AP1B1: variants seen among roughly 807,000 people sequenced by gnomAD.
AP1B1 encodes AP-1 complex subunit beta-1.
AP1B1 carries 36 observed loss-of-function variants against 104.3 expected under a neutral mutation model. The ratio of observed to expected loss-of-function variants is 0.35; its 90% confidence interval spans 0.26 to 0.46. The LOEUF (loss-of-function observed/expected upper bound fraction) is 0.46. Ranked by LOEUF, AP1B1 falls within the 20% of genes least tolerant of loss-of-function variation. The probability of loss-of-function intolerance (pLI) is 1.00; values close to 1 mark genes in which losing one functional copy is unlikely to be tolerated. For missense variants in AP1B1, 901 were observed against 1,247.9 expected, an observed-to-expected ratio of 0.72 and a Z score of 4.19; for synonymous variants, 504 against 517.5, an observed-to-expected ratio of 0.97 and a Z score of 0.35.
In AP1B1 at chr22:29,328,511, C is replaced by T. The variant is rs1281822756; in HGVS notation, c.*310G>A. The T allele has an allele frequency of 1.2e-5, 4 of 328,474 alleles. No individual in the cohort carries two copies. The South Asian group carries it at 1.5e-4, about 13-fold the overall frequency. 20.3% of individuals were successfully genotyped at this position (328,474 alleles called of 1,614,324 possible). A position where few individuals can be genotyped will look rare whatever the true frequency, so the allele number is the denominator to read the frequency against. On this transcript the variant is annotated 3_prime_UTR_variant, in exon 23 of 23. Transcript: ENST00000357586. This position sits in a 1 kb window ranked among gnomAD's most constrained non-coding sequence, Gnocchi z 4.1. ...CTGTGAGCCGGAGGGGCAAGCTCCA[C>T]ACTCACCCTTCAGGCACAGCTTCTG...
chr22:29,328,963 G>A lies in AP1B1; in HGVS notation c.2776-68C>T, dbSNP rs1407254229. The A allele has an allele frequency of 6.4e-7, 1 of 1,563,948 alleles. No individual in the cohort carries two copies. Among genetic ancestry groups the A allele is most frequent in the African/African-American group, 1.3e-5 (1 of 74,366 alleles). On this transcript the variant is annotated intron_variant, in intron 22 of 22. Coordinates refer to ENST00000357586, the MANE Select transcript of AP1B1 (RefSeq NM_001127.4). The surrounding 1 kb of genome is among the most constrained non-coding windows in gnomAD (Gnocchi z 4.1). Reference sequence around the variant, plus strand: ...GGGGTTCCTCTCAGGAAGGAAAGGGGTGGGGAAGAGAGCAGGAACCAATGG... The same window carrying A: ...GGGGTTCCTCTCAGGAAGGAAAGGGATGGGGAAGAGAGCAGGAACCAATGG...
At chr22:29,349,170 GC>G in intron 11 of AP1B1, 47 bp downstream of exon 11, 5 of 1,598,810 alleles carry the variant, frequency 3.1e-6, no homozygotes, top group Non-Finnish European at 4.3e-6. Context: ...CCACAGTGGG[GC>G]TGAGCTGCCA....
At chr22:29,367,892 G>C (rs1458657408) in intron 1 of AP1B1, among the ~76,000 whole-genome samples, 1 of 152,124 alleles carries the variant, frequency 6.6e-6, no homozygotes, top group Non-Finnish European at 1.5e-5. Flanking sequence ...TTCATCTCTG[G>C]AAAGGGCTAG....
chr22:29,351,591 T>G, intron 8 of AP1B1, 114 bp downstream of exon 8: 1 of 1,398,320 alleles, frequency 7.2e-7, no homozygotes, highest in Non-Finnish European at 9.7e-7. Flanking sequence ...TAAACACTCT[T>G]CATGAGATAA....
chr22:29,363,610 T>C (rs1313005135), intron 2 of AP1B1, among the ~76,000 whole-genome samples: 1 of 150,806 alleles, frequency 6.6e-6, no homozygotes, highest in Non-Finnish European at 1.5e-5. Flanking sequence ...ATGGCGCCAC[T>C]GCACTCCAGC....
At chr22:29,340,919 C>T in intron 13 of AP1B1, 62 bp from the exon 14 acceptor site, 1 of 1,502,716 alleles carries the variant, frequency 6.7e-7, no homozygotes, top group Non-Finnish European at 9.0e-7. Flanking sequence ...AAAGAGACCC[C>T]AGCCTCCAGG....
chr22:29,354,825 C>T lies in AP1B1; in HGVS notation c.763G>A (p.Val255Met). Residue 255 changes from valine to methionine, a missense_variant, in exon 7 of 23, where the codon GTG becomes ATG. Physicochemically the swap from Val to Met is conservative, Grantham distance 21 (BLOSUM62 1). Coordinates refer to ENST00000357586, the MANE Select transcript of AP1B1 (RefSeq NM_001127.4). The part of the protein sequence containing the change: ...TPRLSHANSA[V>M]VLSAVKVLMK... The stretch of plus-strand genomic sequence containing the variant: ...AGCACCTTCACAGCAGAGAGCACCA[C>T]AGCGGAGTTGGCATGGGAGAGCCTG... 1.2e-6 allele frequency: 2 copies of T among 1,614,138 alleles called. No individual in the cohort carries two copies. Among genetic ancestry groups the T allele is most frequent in the Non-Finnish European group, 1.7e-6 (2 of 1,180,042 alleles).
At position 29,340,827 on chromosome 22, in the gene AP1B1, G is replaced by C. The variant is rs139231493; in HGVS notation, c.1827C>G (p.Ala609=). The change falls in exon 14 of 23, where the codon GCC becomes GCG. Residue 609 remains alanine, a synonymous_variant. Transcript: ENST00000357586. ...SSESAESPET[A]PTGAPPGEQP... ...GCTCCCCAGGAGGTGCTCCAGTAGG[G>C]GCTGTCTCAGGGCTCTCTGCGCTCT... The C allele has an allele frequency of 2.2e-3, 3,560 of 1,598,434 alleles. 4 individuals carry two copies. Among genetic ancestry groups the C allele is most frequent in the Non-Finnish European group, 2.7e-3 (3,191 of 1,174,186 alleles).
intron 9 of AP1B1, 71 bp downstream of exon 9, chr22:29,351,099 TG>T: frequency 6.9e-7 from 1 of 1,440,024 alleles, no homozygotes; most frequent in Non-Finnish European, 9.6e-7. Flanking sequence ...AGATTCTGCT[TG>T]AATCAGACTG....
chr22:29,356,526 T>C lies in AP1B1; in HGVS notation c.616A>G (p.Lys206Glu). 1 of 1,614,140 alleles carries C rather than the reference T, an allele frequency of 6.2e-7. No homozygotes were observed. Among genetic ancestry groups the C allele is most frequent in the Non-Finnish European group, 8.5e-7 (1 of 1,180,008 alleles). Residue 206 changes from lysine to glutamate, a missense_variant, in exon 6 of 23, where the codon AAG becomes GAG. Transcript: ENST00000357586. Reference protein sequence around the residue: ...LLDLNPQSINKLLTALNECTE... With the variant: ...LLDLNPQSINELLTALNECTE... ...CACTCATTGAGGGCTGTCAGCAGCTTGTTGATGGACTGTGGGTTCAGATCG... is the reference window on the plus strand; with the variant it reads ...CACTCATTGAGGGCTGTCAGCAGCTCGTTGATGGACTGTGGGTTCAGATCG...
chr22:29,366,673 C>T (rs2062142549), intron 2 of AP1B1, among the ~76,000 whole-genome samples: 1 of 151,836 alleles, frequency 6.6e-6, no homozygotes, highest in Non-Finnish European at 1.5e-5. Flanking sequence ...GCGGCGGGCG[C>T]ATGTAATCCC....
intron 2 of AP1B1, 120 bp downstream of exon 2, chr22:29,367,087 A>G (rs1007803931): frequency 1.2e-6 from 1 of 858,152 alleles, no homozygotes; most frequent in African/African-American, 1.7e-5. Context: ...GCTCTAGGCC[A>G]TTCCTGCCAC....
intron 2 of AP1B1, among the ~76,000 whole-genome samples, chr22:29,365,323 AG>A (rs1289769498): frequency 1.3e-5 from 2 of 152,132 alleles, no homozygotes; most frequent in Non-Finnish European, 2.9e-5. Flanking sequence ...TCTTCCCAAA[AG>A]AAATCCACTA....
intron 1 of AP1B1, among the ~76,000 whole-genome samples, chr22:29,367,812 A>C (rs1430504742): frequency 6.6e-6 from 1 of 152,208 alleles, no homozygotes; most frequent in Non-Finnish European, 1.5e-5. Flanking sequence ...GAAAATACCA[A>C]GCTTAAAAGG....
chr22:29,363,632 G>A (rs942375200), intron 2 of AP1B1, among the ~76,000 whole-genome samples: 2 of 151,132 alleles, frequency 1.3e-5, no homozygotes, highest in African/African-American at 2.4e-5. Flanking sequence ...TGGCGACAGG[G>A]CCAAGACTCC....
intron 1 of AP1B1, among the ~76,000 whole-genome samples, chr22:29,373,905 A>G (rs1397386392): frequency 1.3e-5 from 2 of 150,558 alleles, no homozygotes; most frequent in Non-Finnish European, 3.0e-5. Context: ...CGGTCTGAAA[A>G]AAAAAAAAAA....
At chr22:29,361,037 C>T (rs373722335) in intron 3 of AP1B1, among the ~76,000 whole-genome samples, 87 of 150,966 alleles carry the variant, frequency 5.8e-4, no homozygotes, top group Admixed American at 1.7e-3. Context: ...GAGGCCGACT[C>T]GCTCTTTGGG....
intron 17 of AP1B1, among the ~76,000 whole-genome samples, chr22:29,332,997 G>C (rs1408155345): frequency 2.6e-5 from 4 of 152,258 alleles, no homozygotes; most frequent in Non-Finnish European, 5.9e-5. Context: ...TGGGTGCCCA[G>C]GAAGCATTCA....
In AP1B1 at chr22:29,342,276, G is replaced by C; in HGVS notation, c.1536+9C>G. The stretch of plus-strand genomic sequence containing the variant: ...ATGCTGGGCACAGCGGGGAGGTTGG[G>C]GCACCCACCTGAGTGGCCAAACTGA... On this transcript the variant is annotated intron_variant, in intron 12 of 22. Coordinates refer to ENST00000357586, the MANE Select transcript of AP1B1 (RefSeq NM_001127.4). 1 of 1,611,790 alleles carries C rather than the reference G, an allele frequency of 6.2e-7. No homozygotes were observed. Among genetic ancestry groups the C allele is most frequent in the African/African-American group, 1.3e-5 (1 of 75,024 alleles).
Sources: gnomAD v4.1 joint callset for allele counts (sites outside exome capture counted in the v4.1 genomes callset) on GRCh38, gnomAD v4.1.1 for gene constraint, Gnocchi (gnomAD v3.1) non-coding constraint, MANE v1.5 for transcripts, NCBI Gene and HGNC (gene_info 2026-07-23, HGNC 2026-07-21) for gene names.